The following SCN8A variants were observed in gnomAD, a reference collection of about 807,000 sequenced individuals.
SCN8A encodes sodium channel protein type 8 subunit alpha.
Under a neutral mutation model 184.1 loss-of-function variants are expected in SCN8A, and 30 were observed. That is an observed-to-expected ratio of 0.16 (90% CI 0.12 to 0.22). The LOEUF (loss-of-function observed/expected upper bound fraction) is 0.22. Among genes scored for constraint, SCN8A ranks in the 10% least tolerant of loss-of-function variants. The probability of loss-of-function intolerance (pLI) is 1.00; values close to 1 mark genes in which losing one functional copy is unlikely to be tolerated. For missense variants in SCN8A, 1,057 were observed against 2,498.9 expected, an observed-to-expected ratio of 0.42 and a Z score of 12.30; for synonymous variants, 852 against 907.0, an observed-to-expected ratio of 0.94 and a Z score of 1.09.
chr12:51,605,158 T>A lies in SCN8A; in HGVS notation c.-55+13799T>A, dbSNP rs536187087. Among the ~76,000 whole-genome samples, 9 of 152,328 alleles carry A rather than the reference T, an allele frequency of 5.9e-5. No homozygotes were observed. In the South Asian group the frequency reaches 1.7e-3, roughly 28 times the overall value. ...TAAGTTATTGGGGTACAGGTGGTAT[T>A]TGGTTACATCAGTAAGTTCTTTAGT... On this transcript the variant is annotated intron_variant, in intron 1 of 26. Coordinates refer to ENST00000627620, the MANE Select transcript of SCN8A (RefSeq NM_001330260.2).
rs1380924808 is a variant in SCN8A at position 51,627,393 on chromosome 12, A to G, written c.-54-35371A>G. Among the ~76,000 whole-genome samples the G allele has an allele frequency of 2.0e-5, 3 of 152,204 alleles. No homozygotes were observed. The East Asian group carries it at 5.8e-4, about 29-fold the overall frequency. ...AAATATTGAGGGAATGAATGAGTGT[A>G]TCTCTTTGAGACGCAGTCTTGCTCT... On this transcript the variant is annotated intron_variant, in intron 1 of 26. Coordinates refer to ENST00000627620, the MANE Select transcript of SCN8A (RefSeq NM_001330260.2).
At chr12:51,715,657 C>CAAAAA (rs71092719) in intron 11 of SCN8A, among the ~76,000 whole-genome samples, 1 of 71,850 alleles carries the variant, frequency 1.4e-5, no homozygotes, top group Non-Finnish European at 2.7e-5. Flanking sequence ...GTCTCTGTCT[C>CAAAAA]AAAAAAAAAA....
chr12:51,599,913 A>T (rs1939428812), intron 1 of SCN8A, among the ~76,000 whole-genome samples: 1 of 152,216 alleles, frequency 6.6e-6, no homozygotes, highest in African/African-American at 2.4e-5. Flanking sequence ...GAGAAAAGGG[A>T]GAGGGAATAA....
intron 24 of SCN8A, among the ~76,000 whole-genome samples, chr12:51,789,901 G>C (rs1428428472): frequency 2.6e-5 from 4 of 152,176 alleles, no homozygotes; most frequent in Admixed American, 6.5e-5. Flanking sequence ...ATTGCTCGTT[G>C]CTCATTTTGT....
At chr12:51,767,543 G>T (rs919607145) in intron 16 of SCN8A, among the ~76,000 whole-genome samples, 3 of 151,952 alleles carry the variant, frequency 2.0e-5, no homozygotes, top group Non-Finnish European at 4.4e-5. Context: ...CCCTTCCTTT[G>T]CATTTCTATA....
intron 26 of SCN8A, among the ~76,000 whole-genome samples, chr12:51,799,711 A>G (rs1938501849): frequency 6.6e-6 from 1 of 152,224 alleles, no homozygotes; most frequent in African/African-American, 2.4e-5. Context: ...AGGTGACTCA[A>G]TAAATGGGCC....
intron 12 of SCN8A, among the ~76,000 whole-genome samples, chr12:51,736,745 T>TATG (rs1942332320): frequency 1.3e-5 from 2 of 152,236 alleles, no homozygotes; most frequent in South Asian, 4.1e-4. Flanking sequence ...TGTTCATCTG[T>TATG]ATGAAATCGT....
intron 2 of SCN8A, among the ~76,000 whole-genome samples, chr12:51,674,614 C>T (rs562020345): frequency 6.6e-6 from 1 of 152,084 alleles, no homozygotes; most frequent in African/African-American, 2.4e-5. Context: ...GGAATACAGG[C>T]GTGAGCCACT....
Position 51,771,188 on chromosome 12 carries a change from C to T in SCN8A, c.3645+505C>T, listed in dbSNP as rs143399645. On this transcript the variant is annotated intron_variant, in intron 19 of 26. Transcript: ENST00000627620. ...ATACAAGGCCCTGAACACACAGGCTCCTCCACTGCTGAGACTAATTATCTT... is the reference window on the plus strand; with the variant it reads ...ATACAAGGCCCTGAACACACAGGCTTCTCCACTGCTGAGACTAATTATCTT... 4.4e-3 allele frequency among the ~76,000 whole-genome samples: 674 copies of T among 152,308 alleles called. 8 individuals carry two copies. The highest frequency in any genetic ancestry group is 0.014 in the African/African-American group (585 of 41,556).
chr12:51,638,941 G>C (rs1940380365), intron 1 of SCN8A, among the ~76,000 whole-genome samples: 1 of 152,148 alleles, frequency 6.6e-6, no homozygotes, highest in Admixed American at 6.5e-5. Context: ...ATAAAACTTG[G>C]ACAGATGAGA....
chr12:51,782,995 A>G (rs568873283), intron 21 of SCN8A, among the ~76,000 whole-genome samples: 1 of 152,354 alleles, frequency 6.6e-6, no homozygotes, highest in African/African-American at 2.4e-5. Context: ...TCGGTAAGAT[A>G]ATATGGTCAA....
chr12:51,770,014 G>A, intron 18 of SCN8A, 29 bp downstream of exon 18: 7 of 1,421,592 alleles, frequency 4.9e-6, no homozygotes, highest in Non-Finnish European at 6.8e-6. Context: ...CGGATGGGCT[G>A]GGGACACTCG....
intron 1 of SCN8A, among the ~76,000 whole-genome samples, chr12:51,597,325 C>G (rs1939370717): frequency 6.6e-6 from 1 of 152,062 alleles, no homozygotes; most frequent in South Asian, 2.1e-4. Context: ...GCACTGAACT[C>G]CCTCAAAAGG....
intron 11 of SCN8A, among the ~76,000 whole-genome samples, chr12:51,717,432 T>C (rs1358691113): frequency 6.6e-6 from 1 of 152,236 alleles, no homozygotes; most frequent in African/African-American, 2.4e-5. Context: ...CTGTGTCTAA[T>C]TGTTACAAAA....
At chr12:51,676,881 G>A (rs997281853) in intron 2 of SCN8A, among the ~76,000 whole-genome samples, 1 of 152,064 alleles carries the variant, frequency 6.6e-6, no homozygotes, top group African/African-American at 2.4e-5. Flanking sequence ...TCTCAGGATG[G>A]GGAGAATTGG....
chr12:51,618,493 ACACACACACAC>A (rs1356897726), intron 1 of SCN8A, among the ~76,000 whole-genome samples: 29 of 151,330 alleles, frequency 1.9e-4, no homozygotes, highest in Non-Finnish European at 3.7e-4. Context: ...ACACACACAC[ACACACACACAC>A]ACACAGAAAG....
At chr12:51,652,404 A>G (rs577937764) in intron 1 of SCN8A, among the ~76,000 whole-genome samples, 3 of 152,090 alleles carry the variant, frequency 2.0e-5, no homozygotes, top group African/African-American at 7.2e-5. Context: ...GTCTCATTCT[A>G]TACACTATAG....
intron 1 of SCN8A, among the ~76,000 whole-genome samples, chr12:51,611,451 C>T (rs770095124): frequency 7.2e-5 from 11 of 151,886 alleles, no homozygotes; most frequent in African/African-American, 1.9e-4. Flanking sequence ...CGTGAGCCAC[C>T]GCGCCCAGCT....
At chr12:51,686,102 T>C (rs1386659549) in intron 3 of SCN8A, among the ~76,000 whole-genome samples, 2 of 152,188 alleles carry the variant, frequency 1.3e-5, no homozygotes, top group African/African-American at 2.4e-5. Flanking sequence ...TAGGGGAACA[T>C]GTTTCATCCA....
Sources: gnomAD v4.1 joint callset for allele counts (sites outside exome capture counted in the v4.1 genomes callset) on GRCh38, gnomAD v4.1.1 for gene constraint, MANE v1.5 for transcripts, NCBI Gene and HGNC (gene_info 2026-07-23, HGNC 2026-07-21) for gene names.